The following NCALD variants were observed in gnomAD, a reference collection of about 807,000 sequenced individuals.
The protein encoded by NCALD is neurocalcin delta, also known as neurocalcin-delta.
NCALD carries 10 observed loss-of-function variants against 18.6 expected under a neutral mutation model. That is an observed-to-expected ratio of 0.54 (90% CI 0.33 to 0.91). The LOEUF is 0.91. NCALD is among the 40% of genes least tolerant of loss of function. The probability of loss-of-function intolerance (pLI) is 0.03; values close to 1 mark genes in which losing one functional copy is unlikely to be tolerated. For synonymous variants in NCALD, 88 were observed against 87.4 expected (o/e 1.01, Z -0.04); for missense variants, 184 against 247.6 (o/e 0.74, Z 1.72).
At chr8:101,741,065 T>C (rs945990541) in intron 1 of NCALD, among the ~76,000 whole-genome samples, 1 of 152,206 alleles carries the variant, frequency 6.6e-6, no homozygotes, top group African/African-American at 2.4e-5. Flanking sequence ...TCCTGGACTA[T>C]CACTATTCAG....
At chr8:101,784,410 C>T (rs1439679884) in intron 1 of NCALD, among the ~76,000 whole-genome samples, 1 of 152,040 alleles carries the variant, frequency 6.6e-6, no homozygotes, top group Admixed American at 6.6e-5. Context: ...GCATTATTTC[C>T]ACTGTACTCT....
At chr8:101,934,658 GTTTTA>G (rs1283814384) in intron 2 of NCALD, among the ~76,000 whole-genome samples, 1 of 90,090 alleles carries the variant, frequency 1.1e-5, no homozygotes, top group Non-Finnish European at 2.3e-5. Context: ...CCTGAGAGCA[GTTTTA>G]TTAGATATGA....
chr8:101,737,680 ACT>A (rs1261351432), intron 1 of NCALD, among the ~76,000 whole-genome samples: 1 of 151,922 alleles, frequency 6.6e-6, no homozygotes, highest in African/African-American at 2.4e-5. Context: ...TAAAATTCCA[ACT>A]CTCTCCTTCT....
intron 1 of NCALD, among the ~76,000 whole-genome samples, chr8:102,110,974 AT>A (rs1188690038): frequency 6.6e-6 from 1 of 152,228 alleles, no homozygotes; most frequent in Non-Finnish European, 1.5e-5. Flanking sequence ...AATGAAAAAA[AT>A]AATTTAAAAA....
rs557217488 is a variant in NCALD, at chr8:102,016,358, C to T, written c.-157+3879G>A. Among the ~76,000 whole-genome samples the T allele has an allele frequency of 6.6e-5, 10 of 152,334 alleles. 1 individual carries two copies. In the South Asian group the frequency reaches 2.1e-3, roughly 32 times the overall value. ...ACATAAGGCCTACCTAAGACTGAGG[C>T]TAGCCCAGGTGAACTGAGAACTCAC... On this transcript the variant is annotated intron_variant, in intron 2 of 6. Transcript: ENST00000311028.
chr8:101,703,927 C>A (rs1459819207), intron 2 of NCALD, among the ~76,000 whole-genome samples: 4 of 152,082 alleles, frequency 2.6e-5, no homozygotes, highest in Non-Finnish European at 5.9e-5. Context: ...GAAAAAAGAA[C>A]CAAGTGAAAG....
chr8:101,997,159 C>G lies in NCALD; in HGVS notation c.-157+23078G>C, dbSNP rs1821269031. On this transcript the variant is annotated intron_variant, in intron 2 of 6. Transcript: ENST00000311028. ...ATTTAAGCTCTGAGAGTCAAAGACT[C>G]TCAAACTTTATTTAAGCCAATCAGC... 3.3e-5 allele frequency among the ~76,000 whole-genome samples: 5 copies of G among 152,160 alleles called. 1 individual carries two copies.
upstream of NCALD, chr8:102,124,778 C>A (rs929272337): frequency 6.6e-6 from 1 of 152,286 alleles, no homozygotes; most frequent in Admixed American, 6.5e-5. Context: ...GTCCTCTGGA[C>A]TCTTCATGCC....
chr8:101,925,469 C>T (rs928803120), intron 2 of NCALD, among the ~76,000 whole-genome samples: 6 of 152,072 alleles, frequency 3.9e-5, no homozygotes, highest in Non-Finnish European at 8.8e-5. Context: ...ACATGAATAA[C>T]CAGTGTGAGC....
intron 3 of NCALD, among the ~76,000 whole-genome samples, chr8:101,913,480 CTTTTA>C (rs1312969554): frequency 1.3e-5 from 2 of 152,130 alleles, no homozygotes; most frequent in Admixed American, 6.5e-5. Context: ...TATCAAAATT[CTTTTA>C]TTTTGTTACT....
At chr8:102,053,996 C>T (rs1189220112) in intron 1 of NCALD, among the ~76,000 whole-genome samples, 1 of 152,090 alleles carries the variant, frequency 6.6e-6, no homozygotes. Context: ...GATTCTTACA[C>T]AGTTTGAAAT....
intron 3 of NCALD, among the ~76,000 whole-genome samples, chr8:101,912,118 C>T (rs1261240364): frequency 6.6e-6 from 1 of 151,732 alleles, no homozygotes. Context: ...GGATTCAGAA[C>T]TCATAAAATT....
chr8:101,847,223 T>C, intron 4 of NCALD: 1 of 198,424 alleles, frequency 5.0e-6, no homozygotes. Context: ...TCAATTCCTT[T>C]CCCTTCTTCT....
At chr8:101,963,481 T>A (rs920226765) in intron 2 of NCALD, among the ~76,000 whole-genome samples, 2 of 152,168 alleles carry the variant, frequency 1.3e-5, no homozygotes, top group African/African-American at 4.8e-5. Context: ...GTGACTCCAG[T>A]TGTTGCTGGC....
rs377449154 is a variant in NCALD, at chr8:102,055,935, C to G, written c.-209-35646G>C. ...CCCTTCAAATTCATCACAGGGAGCT[C>G]ATGGTCGGCACAAAACAAACACTGA... On this transcript the variant is annotated intron_variant, in intron 1 of 6. Transcript: ENST00000311028. 2.6e-5 allele frequency among the ~76,000 whole-genome samples: 4 copies of G among 152,264 alleles called. No individual in the cohort carries two copies. In the South Asian group the frequency reaches 8.3e-4, roughly 32 times the overall value.
chr8:101,742,603 T>C (rs1296213422), intron 1 of NCALD, among the ~76,000 whole-genome samples: 1 of 152,206 alleles, frequency 6.6e-6, no homozygotes. Flanking sequence ...TTTTGTTTCG[T>C]AGCAAAAAAT....
intron 1 of NCALD, among the ~76,000 whole-genome samples, chr8:101,735,820 G>A (rs890721747): frequency 6.6e-6 from 1 of 152,212 alleles, no homozygotes; most frequent in Non-Finnish European, 1.5e-5. Flanking sequence ...GCTGTGGCCA[G>A]CGGAGGCTAA....
rs574889052 is a variant in NCALD, at chr8:101,978,789, T to C, written c.-157+41448A>G. Among the ~76,000 whole-genome samples the C allele has an allele frequency of 4.6e-5, 7 of 152,100 alleles. No homozygotes were observed. In the South Asian group the frequency reaches 1.5e-3, roughly 32 times the overall value. On this transcript the variant is annotated intron_variant, in intron 2 of 6. Transcript: ENST00000311028. Reference sequence around the variant, plus strand: ...TGGCACAAAGTAGGAGATCAACAAATGTGTGCTGAGGAGAGGGAGGAAGAA... The same window carrying C: ...TGGCACAAAGTAGGAGATCAACAAACGTGTGCTGAGGAGAGGGAGGAAGAA...
At position 101,730,093 on chromosome 8, in the gene NCALD, A is replaced by G. The variant is rs16868257; in HGVS notation, c.-19-10445T>C. 7.9e-4 allele frequency among the ~76,000 whole-genome samples: 121 copies of G among 152,326 alleles called. 1 individual carries two copies. In the East Asian group the frequency reaches 0.021, roughly 27 times the overall value. On this transcript the variant is annotated intron_variant, in intron 1 of 3. Transcript: ENST00000220931. Reference sequence around the variant, plus strand: ...ACTATTAACAGTTTAAATCATACGTATCCCCTTAGACATTTAAATGCATAT... The same window carrying G: ...ACTATTAACAGTTTAAATCATACGTGTCCCCTTAGACATTTAAATGCATAT...
Sources: allele counts gnomAD v4.1 joint callset (sites outside exome capture counted in the v4.1 genomes callset), GRCh38; gene constraint gnomAD v4.1.1; transcripts MANE v1.5; gene names NCBI Gene and HGNC (gene_info 2026-07-23, HGNC 2026-07-21).